The following TTLL11 variants were observed in gnomAD, a reference collection of about 807,000 sequenced individuals.
TTLL11 encodes tubulin tyrosine ligase like 11.
Under a neutral mutation model 51.7 loss-of-function variants are expected in TTLL11, and 42 were observed. That is an observed-to-expected ratio of 0.81 (90% CI 0.64 to 1.05). TTLL11 has a LOEUF of 1.05. Among genes scored for constraint, TTLL11 ranks in the 50% least tolerant of loss-of-function variants. The pLI, the probability that TTLL11 is intolerant of heterozygous loss-of-function variation, is 0.00. For synonymous variants in TTLL11, 381 were observed against 383.5 expected (o/e 0.99, Z 0.08); for missense variants, 799 against 940.4 (o/e 0.85, Z 1.97).
At chr9:122,061,689 G>A (rs1008679895) in intron 1 of TTLL11, among the ~76,000 whole-genome samples, 5 of 151,992 alleles carry the variant, frequency 3.3e-5, no homozygotes, top group Non-Finnish European at 7.4e-5. Flanking sequence ...CCAGGCTGGA[G>A]TGCAGTGGTG....
intron 6 of TTLL11, among the ~76,000 whole-genome samples, chr9:121,967,184 C>T (rs1842420969): frequency 6.6e-6 from 1 of 150,582 alleles, no homozygotes; most frequent in Admixed American, 6.6e-5. Context: ...CAGGCCGCTC[C>T]TCTGTCAGTG....
At chr9:121,915,897 A>G (rs1840302988) in intron 6 of TTLL11, among the ~76,000 whole-genome samples, 1 of 152,006 alleles carries the variant, frequency 6.6e-6, no homozygotes, top group Non-Finnish European at 1.5e-5. Flanking sequence ...GTAGCTATCA[A>G]AATTTAAAAT....
intron 8 of TTLL11, among the ~76,000 whole-genome samples, chr9:121,852,217 C>T (rs10818605): frequency 0.52 from 78,530 of 152,066 alleles, 21,078 homozygotes; most frequent in East Asian, 0.72. Context: ...ACACACCCAC[C>T]AGGAAGGATG....
At chr9:121,844,316 A>G (rs536292606) in intron 8 of TTLL11, among the ~76,000 whole-genome samples, 2 of 152,282 alleles carry the variant, frequency 1.3e-5, no homozygotes, top group East Asian at 3.9e-4. Context: ...AAAACAAAAA[A>G]AACAATTGGA....
intron 3 of TTLL11, among the ~76,000 whole-genome samples, chr9:122,025,997 A>G (rs1844322279): frequency 1.3e-5 from 2 of 152,188 alleles, no homozygotes; most frequent in African/African-American, 4.8e-5. Context: ...ATGAATCTCA[A>G]AATAACTGAA....
chr9:121,942,784 C>T (rs1841531473), intron 6 of TTLL11, among the ~76,000 whole-genome samples: 1 of 128,164 alleles, frequency 7.8e-6, no homozygotes, highest in Non-Finnish European at 1.6e-5. Flanking sequence ...CGAGTGCTTT[C>T]ACACTTTCCT....
At chr9:121,949,061 C>T (rs893198907) in intron 6 of TTLL11, among the ~76,000 whole-genome samples, 1 of 152,116 alleles carries the variant, frequency 6.6e-6, no homozygotes, top group African/African-American at 2.4e-5. Context: ...GTCACCATTG[C>T]AATCCTGAGT....
intron 6 of TTLL11, among the ~76,000 whole-genome samples, chr9:121,965,380 T>G (rs1842369270): frequency 6.6e-6 from 1 of 152,206 alleles, no homozygotes; most frequent in South Asian, 2.1e-4. Context: ...AGGACCTTCT[T>G]CACAAGGTGG....
chr9:121,869,674 A>G lies in TTLL11; in HGVS notation c.1733+823T>C, dbSNP rs909802829. Among the ~76,000 whole-genome samples, 6 of 152,252 alleles carry G rather than the reference A, an allele frequency of 3.9e-5. No homozygotes were observed. The South Asian group carries it at 1.2e-3, about 31-fold the overall frequency. ...ATCTTGTAAGAAGAAACTGACATTT[A>G]TTGATCACTTACCATACGCTAGATG... is the stretch of plus-strand genomic sequence containing the variant. On this transcript the variant is annotated intron_variant, in intron 7 of 8. Transcript: ENST00000321582.
rs150372226 is a variant in TTLL11 at position 121,967,210 on chromosome 9, A to AT, written c.1481+6798dup. ...TCTGTCAGTGATGCTTCAGCGGGAG[A>AT]TTTTTTTTTTTTTTTTTTTTTTTTT... On this transcript the variant is annotated intron_variant, in intron 6 of 8. Transcript: ENST00000321582. Among the ~76,000 whole-genome samples the AT allele has an allele frequency of 4.1e-3, 256 of 63,002 alleles. 15 individuals are homozygous for AT. Among genetic ancestry groups the AT allele is most frequent in the South Asian group, 0.013 (15 of 1,136 alleles). 41.3% of individuals were successfully genotyped at this position (63,002 alleles called of 152,430 possible).
intron 1 of TTLL11, among the ~76,000 whole-genome samples, chr9:122,046,010 C>CACTG (rs1792189143): frequency 6.6e-6 from 1 of 152,166 alleles, no homozygotes; most frequent in South Asian, 2.1e-4. Context: ...TACTTAAAGC[C>CACTG]ACTGAACTGT....
intron 6 of TTLL11, among the ~76,000 whole-genome samples, chr9:121,873,952 C>G (rs1053249276): frequency 6.9e-6 from 1 of 145,308 alleles, no homozygotes; most frequent in Non-Finnish European, 1.5e-5. Context: ...TCAAGTGATT[C>G]TCTTGTCTCA....
rs1487819810 is a variant in TTLL11, at chr9:122,092,705, G to C, written c.444C>G (p.Arg148=). 27 of 1,537,400 alleles carry C rather than the reference G, an allele frequency of 1.8e-5. No homozygotes were observed. Among genetic ancestry groups the C allele is most frequent in the Non-Finnish European group, 2.2e-5 (25 of 1,147,012 alleles). ...TSLDALKISI[R]QLKWKEFPFG... Reference sequence around the variant, plus strand: ...GCCTCACCTCCTTCCACTTGAGCTGGCGGATGCTGATCTTCAGGGCATCCA... The same window carrying C: ...GCCTCACCTCCTTCCACTTGAGCTGCCGGATGCTGATCTTCAGGGCATCCA... The change falls in exon 1 of 9, where the codon CGC becomes CGG. Residue 148 remains arginine (R), a synonymous_variant. Coordinates refer to ENST00000321582, the MANE Select transcript of TTLL11 (RefSeq NM_001139442.2).
intron 1 of TTLL11, among the ~76,000 whole-genome samples, chr9:122,067,690 A>G (rs1845624408): frequency 6.6e-6 from 1 of 152,128 alleles, no homozygotes; most frequent in Admixed American, 6.5e-5. Context: ...TTTAGTAGAG[A>G]CAGGGTTTCA....
chr9:121,927,015 T>C (rs1840761741), intron 6 of TTLL11, among the ~76,000 whole-genome samples: 1 of 152,052 alleles, frequency 6.6e-6, no homozygotes, highest in Non-Finnish European at 1.5e-5. Flanking sequence ...AAGGCATGAA[T>C]CCCATTCATG....
intron 6 of TTLL11, among the ~76,000 whole-genome samples, chr9:121,931,500 T>C (rs1588134311): frequency 6.7e-6 from 1 of 150,254 alleles, no homozygotes; most frequent in East Asian, 2.0e-4. Context: ...CCCAGCACTT[T>C]GGGAAGCCAA....
In TTLL11 at chr9:122,024,316, C is replaced by A. The variant is rs80200041; in HGVS notation, c.693+7407G>T. On this transcript the variant is annotated intron_variant, in intron 3 of 8. Coordinates refer to ENST00000321582, the MANE Select transcript of TTLL11 (RefSeq NM_001139442.2). ...AGACCTAAATAAAAGGAAAGATACA[C>A]CATGTCAATGGGTCAGAAGACTCAT... 1.4e-3 allele frequency among the ~76,000 whole-genome samples: 211 copies of A among 152,206 alleles called. 1 individual carries two copies. The highest frequency in any genetic ancestry group is 5.0e-3 in the African/African-American group (206 of 41,538).
At chr9:121,862,944 G>A (rs576029107) in intron 7 of TTLL11, among the ~76,000 whole-genome samples, 6 of 152,252 alleles carry the variant, frequency 3.9e-5, no homozygotes, top group Admixed American at 2.6e-4. Flanking sequence ...AAACCCAAGC[G>A]CACCCCTAAT....
intron 3 of TTLL11, among the ~76,000 whole-genome samples, chr9:122,007,046 G>GT (rs1467091914): frequency 6.6e-6 from 1 of 150,944 alleles, no homozygotes; most frequent in Non-Finnish European, 1.5e-5. Flanking sequence ...AGCATTTAGG[G>GT]TGGGGTTGTT....
Sources: gnomAD v4.1 joint callset for allele counts (sites outside exome capture counted in the v4.1 genomes callset) on GRCh38, gnomAD v4.1.1 for gene constraint, MANE v1.5 for transcripts, NCBI Gene and HGNC (gene_info 2026-07-23, HGNC 2026-07-21) for gene names.